The following GALNT13 variants were observed in gnomAD, a reference collection of about 807,000 sequenced individuals.
GALNT13 encodes polypeptide N-acetylgalactosaminyltransferase 13.
A neutral mutation model predicts 64.2 loss-of-function variants in GALNT13; 28 were observed. The observed-to-expected ratio is 0.44, with a 90% CI of 0.32 to 0.60. The LOEUF is 0.60. Among genes scored for constraint, GALNT13 ranks in the 20% least tolerant of loss-of-function variants. The pLI is 0.05. For synonymous variants in GALNT13, 214 were observed against 224.6 expected (o/e 0.95, Z 0.42); for missense variants, 577 against 669.8 (o/e 0.86, Z 1.53).
intron 9 of GALNT13, among the ~76,000 whole-genome samples, chr2:154,370,793 T>G (rs1418189637): frequency 6.6e-6 from 1 of 152,146 alleles, no homozygotes; most frequent in Non-Finnish European, 1.5e-5. Context: ...TTTAAATCCA[T>G]GTAACAATTT....
intron 9 of GALNT13, among the ~76,000 whole-genome samples, chr2:154,319,119 C>T (rs1331361742): frequency 4.6e-5 from 7 of 152,002 alleles, no homozygotes; most frequent in African/African-American, 1.4e-4. Context: ...ACATAACCCA[C>T]GTTAATTGTT....
the GALNT13 span, among the ~76,000 whole-genome samples, chr2:153,781,278 A>T: frequency 6.6e-6 from 1 of 152,210 alleles, no homozygotes; most frequent in East Asian, 1.9e-4. Flanking sequence ...CAGAACCTAT[A>T]AAATTGTTAG....
At chr2:153,537,758 C>A in the GALNT13 span, among the ~76,000 whole-genome samples, 21 of 152,308 alleles carry the variant, frequency 1.4e-4, no homozygotes, top group Non-Finnish European at 2.2e-4. Context: ...TTTCCCCCTT[C>A]ACTCAGAACT....
chr2:153,337,742 C>G, the GALNT13 span: 1 of 152,148 alleles, frequency 6.6e-6, no homozygotes, highest in East Asian at 1.9e-4. Context: ...CATTGTGACC[C>G]ACACCTCCTC....
chr2:154,422,600 C>G (rs564302582), intron 11 of GALNT13, among the ~76,000 whole-genome samples: 69 of 152,268 alleles, frequency 4.5e-4, no homozygotes, highest in Non-Finnish European at 5.3e-4. Flanking sequence ...TTCTAACTCT[C>G]TAAAAAGGTT....
chr2:153,998,356 CTTA>C (rs1479731626), intron 3 of GALNT13, among the ~76,000 whole-genome samples: 3 of 152,102 alleles, frequency 2.0e-5, no homozygotes, highest in African/African-American at 7.2e-5. Flanking sequence ...GAGATGGTAT[CTTA>C]TTGTGGTTTT....
chr2:153,084,074 C>T, the GALNT13 span, among the ~76,000 whole-genome samples: 1 of 152,264 alleles, frequency 6.6e-6, no homozygotes, highest in Non-Finnish European at 1.5e-5. Flanking sequence ...TCTGGGTTCT[C>T]TATTCTGTTC....
At chr2:153,146,441 C>T in the GALNT13 span, among the ~76,000 whole-genome samples, 49 of 151,914 alleles carry the variant, frequency 3.2e-4, 1 homozygote, top group East Asian at 6.4e-3. Flanking sequence ...CTAAGAGCCC[C>T]GAAAGTCATG....
the GALNT13 span, among the ~76,000 whole-genome samples, chr2:153,125,464 G>A: frequency 6.6e-6 from 1 of 152,222 alleles, no homozygotes; most frequent in South Asian, 2.1e-4. Flanking sequence ...CAGTCTGAGA[G>A]CGTTAATGGA....
the GALNT13 span, among the ~76,000 whole-genome samples, chr2:153,170,224 A>G: frequency 6.6e-6 from 1 of 152,138 alleles, no homozygotes; most frequent in African/African-American, 2.4e-5. Flanking sequence ...TTCCTTAAAT[A>G]TTTTCATCTC....
At chr2:153,944,689 T>G in intron 3 of GALNT13, 50 bp downstream of exon 3, 4 of 1,473,394 alleles carry the variant, frequency 2.7e-6, no homozygotes, top group Non-Finnish European at 3.7e-6. Flanking sequence ...AGAAAAGTGG[T>G]GCCTTGACAA....
chr2:153,086,950 T>C, the GALNT13 span, among the ~76,000 whole-genome samples: 1 of 152,124 alleles, frequency 6.6e-6, no homozygotes, highest in African/African-American at 2.4e-5. Flanking sequence ...TGACTTCCTG[T>C]TTACCTATTT....
the GALNT13 span, among the ~76,000 whole-genome samples, chr2:153,291,793 T>G: frequency 5.4e-5 from 8 of 149,088 alleles, no homozygotes; most frequent in East Asian, 1.4e-3. Flanking sequence ...ATGTTAAAAC[T>G]TTCAAATGTG....
At chr2:153,895,351 T>C (rs1437601701) in intron 1 of GALNT13, among the ~76,000 whole-genome samples, 2 of 152,144 alleles carry the variant, frequency 1.3e-5, no homozygotes, top group Admixed American at 1.3e-4. Context: ...TTGTAACACA[T>C]CTTCCTCTAT....
the GALNT13 span, among the ~76,000 whole-genome samples, chr2:153,087,266 A>G: frequency 6.6e-6 from 1 of 152,162 alleles, no homozygotes; most frequent in Non-Finnish European, 1.5e-5. Flanking sequence ...AATTCTGATT[A>G]TGTGATCTAT....
chr2:153,722,983 C>T, the GALNT13 span, among the ~76,000 whole-genome samples: 15 of 152,084 alleles, frequency 9.9e-5, 1 homozygote, highest in East Asian at 3.9e-4. Context: ...ATACCAAAGC[C>T]GGGCAGAGAC....
chr2:153,384,644 A>C, the GALNT13 span, among the ~76,000 whole-genome samples: 3 of 152,090 alleles, frequency 2.0e-5, no homozygotes, highest in Non-Finnish European at 4.4e-5. Flanking sequence ...TGATTTTCAG[A>C]AGCAAGTCTT....
chr2:154,099,595 G>A (rs1416560335), intron 3 of GALNT13, among the ~76,000 whole-genome samples: 1 of 151,992 alleles, frequency 6.6e-6, no homozygotes, highest in Non-Finnish European at 1.5e-5. Context: ...TTTTGTGTAT[G>A]GTGAGTAACA....
intron 3 of GALNT13, among the ~76,000 whole-genome samples, chr2:154,107,048 C>A (rs1231175325): frequency 5.3e-5 from 8 of 150,338 alleles, no homozygotes; most frequent in Non-Finnish European, 1.0e-4. Flanking sequence ...GTTTTTCCAT[C>A]TTTTGATTCT....
Sources: gnomAD v4.1 joint callset for allele counts (sites outside exome capture counted in the v4.1 genomes callset) on GRCh38, gnomAD v4.1.1 for gene constraint, MANE v1.5 for transcripts, NCBI Gene and HGNC (gene_info 2026-07-23, HGNC 2026-07-21) for gene names.